IFT122: variants seen among roughly 807,000 people sequenced by gnomAD.
IFT122 encodes the protein intraflagellar transport 122, also known as intraflagellar transport protein 122 homolog.
Under a neutral mutation model 161.6 loss-of-function variants are expected in IFT122, and 118 were observed. The observed-to-expected ratio is 0.73, with a 90% CI of 0.63 to 0.85. The LOEUF is 0.85. Among genes scored for constraint, IFT122 ranks in the 40% least tolerant of loss-of-function variants. IFT122 has a pLI of 0.00. For missense variants in IFT122, 1,381 were observed against 1,579.6 expected (o/e 0.87, Z 2.13); for synonymous variants, 550 against 602.4 (o/e 0.91, Z 1.27).
At position 129,474,718 on chromosome 3, in the gene IFT122, T is replaced by G. The variant is rs563125331; in HGVS notation, c.817-1597T>G. On this transcript the variant is annotated intron_variant, in intron 9 of 29. Transcript: ENST00000348417. ...TTCATTTTGGCTGAGAGAATGACCT[T>G]GGGGGCTGAGCTCGGGAGTTTGACC... Among the ~76,000 whole-genome samples the G allele has an allele frequency of 2.0e-4, 31 of 152,244 alleles. No individual in the cohort carries two copies. In the South Asian group the frequency reaches 6.2e-3, roughly 31 times the overall value.
chr3:129,492,060 C>A, intron 16 of IFT122, 81 bp from the exon 17 acceptor site: 1 of 1,037,790 alleles, frequency 9.6e-7, no homozygotes, highest in Non-Finnish European at 1.5e-6. Flanking sequence ...CTAGATAGAG[C>A]TTGACTTCCC....
chr3:129,516,304 ACACAGAGACTGCCCCTG>A (rs2083576736), intron 26 of IFT122, among the ~76,000 whole-genome samples: 4 of 136,266 alleles, frequency 2.9e-5, no homozygotes, highest in South Asian at 2.7e-4. Flanking sequence ...ACACACACAC[ACACAGAGACTGCCCCTG>A]CACACACACA....
rs952499116 is a variant in IFT122, at chr3:129,476,945, C to CT, written c.1147+160dup. 0.043 allele frequency: 27,296 copies of CT among 639,446 alleles called. 82 individuals are homozygous for CT. Among genetic ancestry groups the CT allele is most frequent in the African/African-American group, 0.068 (3,322 of 49,194 alleles). The allele number at this position is 639,446 out of a possible 1,614,324, so 39.6% of individuals were successfully genotyped here. On this transcript the variant is annotated intron_variant, in intron 11 of 29. Transcript: ENST00000348417. ...AGCCACTGGGTCTGTGTCTTGTTTT[C>CT]TTTTTTTTTTTTTTTTGGTGGGGGA...
chr3:129,444,645 C>T (rs2107826465), intron 1 of IFT122, among the ~76,000 whole-genome samples: 1 of 152,208 alleles, frequency 6.6e-6, no homozygotes, highest in East Asian at 1.9e-4. Flanking sequence ...CCTCAGCCTC[C>T]CGAGTAGGTG....
intron 23 of IFT122, among the ~76,000 whole-genome samples, chr3:129,508,515 T>G (rs2082426402): frequency 6.6e-6 from 1 of 152,186 alleles, no homozygotes; most frequent in Non-Finnish European, 1.5e-5. Flanking sequence ...TCTCAGAGGT[T>G]ATTAGGTTGG....
chr3:129,509,826 G>A (rs772633848), intron 23 of IFT122, among the ~76,000 whole-genome samples: 12 of 152,178 alleles, frequency 7.9e-5, no homozygotes, highest in Non-Finnish European at 1.5e-4. Flanking sequence ...GGGTAAACTC[G>A]AGAGTCCTCA....
intron 14 of IFT122, among the ~76,000 whole-genome samples, chr3:129,482,050 C>G (rs1431190054): frequency 1.3e-5 from 2 of 152,248 alleles, no homozygotes; most frequent in Admixed American, 6.5e-5. Context: ...GGATGCACTT[C>G]CTTTGCAGAA....
intron 17 of IFT122, 54 bp from the exon 18 acceptor site, chr3:129,495,392 C>G: frequency 6.2e-7 from 1 of 1,606,528 alleles, no homozygotes; most frequent in African/African-American, 1.3e-5. Flanking sequence ...TTTGTAAAGG[C>G]TGCTTCCTGC....
intron 2 of IFT122, among the ~76,000 whole-genome samples, chr3:129,451,560 C>T (rs1009338316): frequency 2.6e-5 from 4 of 152,186 alleles, no homozygotes; most frequent in Non-Finnish European, 5.9e-5. Context: ...CATGTTGTAG[C>T]TGGCTCTTTT....
rs781766922 is a variant in IFT122, at chr3:129,464,768, TG to T, written c.552del (p.Trp184Ter). 2.5e-6 allele frequency: 4 copies of T among 1,614,088 alleles called. No individual in the cohort carries two copies. The highest frequency in any genetic ancestry group is 3.4e-6 in the Non-Finnish European group (4 of 1,180,046). On this transcript the variant is annotated frameshift_variant, in exon 7 of 30. Coordinates refer to ENST00000348417, the MANE Select transcript of IFT122 (RefSeq NM_052989.3). LOFTEE classifies it high-confidence loss of function. ...CCTCTCGCCAATATGGTCCATCTGC[TG>T]GAACCCTTCAAGGTACTCTTAAAGT... ...GSLSPIWSIC[W>X]NPSSRWESFW...
chr3:129,451,059 T>G (rs2074772769), intron 2 of IFT122, among the ~76,000 whole-genome samples: 1 of 151,822 alleles, frequency 6.6e-6, no homozygotes, highest in Non-Finnish European at 1.5e-5. Flanking sequence ...GTGATAGATG[T>G]CACATGGCTA....
At chr3:129,459,698 TTCC>T (rs2075996406) in intron 4 of IFT122, among the ~76,000 whole-genome samples, 1 of 82,194 alleles carries the variant, frequency 1.2e-5, no homozygotes, top group Admixed American at 1.4e-4. Context: ...CCTTCCTTCC[TTCC>T]TTCCTTCCTT....
chr3:129,449,768 C>A, intron 1 of IFT122, 103 bp from the exon 2 acceptor site: 1 of 827,930 alleles, frequency 1.2e-6, no homozygotes, highest in Non-Finnish European at 2.1e-6. Context: ...CTCCTCAGTA[C>A]ACACACAGTG....
At chr3:129,477,197 T>A (rs1239393699) in intron 11 of IFT122, among the ~76,000 whole-genome samples, 2 of 152,100 alleles carry the variant, frequency 1.3e-5, no homozygotes, top group Non-Finnish European at 2.9e-5. Context: ...CTCAGCCCTG[T>A]CTCCACTTGC....
At chr3:129,461,088 C>A in intron 4 of IFT122, 140 bp from the exon 5 acceptor site, 1 of 941,526 alleles carries the variant, frequency 1.1e-6, no homozygotes, top group Non-Finnish European at 1.7e-6. Context: ...GAATTAATTT[C>A]TGTGCTTTTT....
At position 129,479,938 on chromosome 3, in the gene IFT122, C is replaced by T. The variant is rs371107052; in HGVS notation, c.1488+16C>T. Reference sequence around the variant, plus strand: ...GAATGGACAGGTGAGTGCTCCCTCACGTCTCCTGTCAGGCTGATAATCTGC... The same window carrying T: ...GAATGGACAGGTGAGTGCTCCCTCATGTCTCCTGTCAGGCTGATAATCTGC... On this transcript the variant is annotated intron_variant, in intron 13 of 29. Coordinates refer to ENST00000348417, the MANE Select transcript of IFT122 (RefSeq NM_052989.3). 97 of 1,613,526 alleles carry T rather than the reference C, an allele frequency of 6.0e-5. No individual in the cohort carries two copies. Among genetic ancestry groups the T allele is most frequent in the African/African-American group, 2.5e-4 (19 of 74,892 alleles).
chr3:129,496,633 C>T (rs2080881437), intron 18 of IFT122, among the ~76,000 whole-genome samples: 1 of 152,100 alleles, frequency 6.6e-6, no homozygotes, highest in Admixed American at 6.5e-5. Context: ...TGTTTGGTGG[C>T]CTGTGATGTT....
intron 6 of IFT122, 29 bp from the exon 7 acceptor site, chr3:129,464,606 C>G (rs1207098191): frequency 6.2e-7 from 1 of 1,614,084 alleles, no homozygotes; most frequent in Non-Finnish European, 8.5e-7. Flanking sequence ...TTCCCCTATC[C>G]CCATGCCTTT....
intron 19 of IFT122, among the ~76,000 whole-genome samples, chr3:129,502,029 C>T (rs1002024733): frequency 6.6e-6 from 1 of 152,206 alleles, no homozygotes; most frequent in African/African-American, 2.4e-5. Context: ...ATCCAGGCCT[C>T]ATGTCCCCAT....
Sources: allele counts gnomAD v4.1 joint callset (sites outside exome capture counted in the v4.1 genomes callset), GRCh38; gene constraint gnomAD v4.1.1; transcripts MANE v1.5; gene names NCBI Gene and HGNC (gene_info 2026-07-23, HGNC 2026-07-21).